The following SLC23A2 variants were observed in gnomAD, a reference collection of about 807,000 sequenced individuals.
The protein encoded by SLC23A2 is Na(+)/L-ascorbic acid transporter 2.
Under a neutral mutation model 73.3 loss-of-function variants are expected in SLC23A2, and 36 were observed. The ratio of observed to expected loss-of-function variants is 0.49; its 90% confidence interval spans 0.38 to 0.65. The LOEUF (loss-of-function observed/expected upper bound fraction) is 0.65, where lower values mean the gene tolerates loss of function less well. Ranked by LOEUF, SLC23A2 falls within the 30% of genes least tolerant of loss-of-function variation. The probability of loss-of-function intolerance (pLI) is 0.00; values close to 1 mark genes in which losing one functional copy is unlikely to be tolerated. For synonymous variants in SLC23A2, 343 were observed against 327.3 expected (o/e 1.05, Z -0.52); for missense variants, 507 against 841.6 (o/e 0.60, Z 4.92).
chr20:4,976,601 G>T (rs191675966), intron 1 of SLC23A2, among the ~76,000 whole-genome samples: 2 of 151,816 alleles, frequency 1.3e-5, no homozygotes, highest in Non-Finnish European at 2.9e-5. Flanking sequence ...GCTTGAACCC[G>T]GAGGCAGAGG....
chr20:4,866,876 G>A (rs903977949), intron 13 of SLC23A2, among the ~76,000 whole-genome samples: 1 of 152,046 alleles, frequency 6.6e-6, no homozygotes, highest in Non-Finnish European at 1.5e-5. Flanking sequence ...GGAGACCTGT[G>A]AGACGTAGGC....
At chr20:4,964,650 T>C (rs994575683) in intron 2 of SLC23A2, among the ~76,000 whole-genome samples, 2 of 151,894 alleles carry the variant, frequency 1.3e-5, no homozygotes, top group Admixed American at 1.3e-4. Flanking sequence ...CCCATTTCAG[T>C]GTGTGCACAC....
intron 15 of SLC23A2, among the ~76,000 whole-genome samples, chr20:4,860,406 G>A (rs141702661): frequency 9.1e-4 from 139 of 152,296 alleles, no homozygotes; most frequent in Middle Eastern, 6.8e-3. Context: ...GTCATACCGT[G>A]TGCTTTCCGT....
At chr20:4,891,856 T>G (rs905005987) in intron 6 of SLC23A2, among the ~76,000 whole-genome samples, 1 of 152,148 alleles carries the variant, frequency 6.6e-6, no homozygotes, top group Non-Finnish European at 1.5e-5. Flanking sequence ...GCTTAAGCAA[T>G]TCTCCCACCT....
intron 13 of SLC23A2, among the ~76,000 whole-genome samples, chr20:4,865,654 A>G (rs1930163893): frequency 6.6e-6 from 1 of 152,120 alleles, no homozygotes. Context: ...CCCTTCATCT[A>G]CAACAATTTT....
At chr20:5,004,306 C>A (rs2088166352), upstream of SLC23A2, among the ~76,000 whole-genome samples, 1 of 152,156 alleles carries the variant, frequency 6.6e-6, no homozygotes, top group African/African-American at 2.4e-5. Flanking sequence ...GTCCTTGCCC[C>A]ATAGCCTACA....
chr20:4,909,134 A>G lies in SLC23A2; in HGVS notation c.207+3746T>C, dbSNP rs553131056. 1.9e-4 allele frequency among the ~76,000 whole-genome samples: 29 copies of G among 152,302 alleles called. No homozygotes were observed. The South Asian group carries it at 5.8e-3, about 30-fold the overall frequency. ...CATCTGTTTGTGTGTACCTATGTGG[A>G]AAGTGGTATGGAATATACATACAGG... On this transcript the variant is annotated intron_variant, in intron 4 of 16. Transcript: ENST00000338244.
At chr20:4,911,451 A>G (rs960639014) in intron 4 of SLC23A2, among the ~76,000 whole-genome samples, 2 of 152,218 alleles carry the variant, frequency 1.3e-5, no homozygotes, top group Non-Finnish European at 2.9e-5. Context: ...ATTTGTTCTT[A>G]ATCACTTTAG....
intron 2 of SLC23A2, among the ~76,000 whole-genome samples, chr20:4,949,459 G>A (rs962003964): frequency 1.4e-4 from 21 of 152,130 alleles, no homozygotes; most frequent in African/African-American, 5.1e-4. Flanking sequence ...CGCTGCAGAT[G>A]AAGTTTTTAT....
chr20:4,962,159 C>G (rs1224079284), intron 2 of SLC23A2, among the ~76,000 whole-genome samples: 1 of 145,092 alleles, frequency 6.9e-6, no homozygotes, highest in Non-Finnish European at 1.5e-5. Context: ...AAAAAAAAAT[C>G]AAAGTCCAGC....
chr20:4,880,690 T>C (rs1955314004), intron 9 of SLC23A2, among the ~76,000 whole-genome samples: 1 of 140,924 alleles, frequency 7.1e-6, no homozygotes, highest in African/African-American at 2.7e-5. Flanking sequence ...AAGGGTGGAG[T>C]GGAGGAAGGC....
intron 2 of SLC23A2, among the ~76,000 whole-genome samples, chr20:4,946,627 T>C (rs547338501): frequency 6.6e-6 from 1 of 152,270 alleles, no homozygotes; most frequent in African/African-American, 2.4e-5. Flanking sequence ...GAAGCTCTGG[T>C]ACAGACAAGC....
At chr20:4,908,987 T>C (rs1932053068) in intron 4 of SLC23A2, among the ~76,000 whole-genome samples, 1 of 152,160 alleles carries the variant, frequency 6.6e-6, no homozygotes, top group South Asian at 2.1e-4. Flanking sequence ...TTTAAGGAAA[T>C]ACACATGCAG....
upstream of SLC23A2, among the ~76,000 whole-genome samples, chr20:5,005,993 A>T (rs1314001288): frequency 6.6e-6 from 1 of 152,218 alleles, no homozygotes; most frequent in Non-Finnish European, 1.5e-5. Flanking sequence ...TCTCAAAAAA[A>T]AAAGGTGACA....
At chr20:4,886,390 G>A (rs1373405418) in intron 6 of SLC23A2, among the ~76,000 whole-genome samples, 3 of 152,110 alleles carry the variant, frequency 2.0e-5, no homozygotes, top group East Asian at 1.9e-4. Context: ...CCTAATCACC[G>A]ATTACAGATA....
At chr20:4,912,010 CT>C (rs11353402) in intron 4 of SLC23A2, among the ~76,000 whole-genome samples, 58,746 of 136,310 alleles carry the variant, frequency 0.43, 11,902 homozygotes, top group East Asian at 0.63. Flanking sequence ...ATAATTATTT[CT>C]TTTTTTTTTT....
intron 2 of SLC23A2, among the ~76,000 whole-genome samples, chr20:4,946,949 A>G (rs773818631): frequency 6.6e-6 from 1 of 152,224 alleles, no homozygotes; most frequent in Non-Finnish European, 1.5e-5. Context: ...ATCTTTCAGC[A>G]GAAGTTTTCT....
upstream of SLC23A2, among the ~76,000 whole-genome samples, chr20:5,004,302 G>GC (rs1568665819): frequency 6.6e-6 from 1 of 152,088 alleles, no homozygotes; most frequent in Non-Finnish European, 1.5e-5. Flanking sequence ...TTGAGTCCTT[G>GC]CCCCATAGCC....
Position 4,853,245 on chromosome 20 carries a change from T to C in SLC23A2, c.*3727A>G, listed in dbSNP as rs1380109281. 1.3e-5 allele frequency: 2 copies of C among 152,440 alleles called. No homozygotes were observed. The highest frequency in any genetic ancestry group is 2.9e-5 in the Non-Finnish European group (2 of 68,132). 9.4% of individuals were successfully genotyped at this position (152,440 alleles called of 1,614,324 possible). ...GACAGCCATGCCGGGCCTATGCCTA[T>C]AGCGAGTGTACACCCCATGCACGGC... On this transcript the variant is annotated 3_prime_UTR_variant, in exon 17 of 17. Transcript: ENST00000338244.
Sources: allele counts gnomAD v4.1 joint callset (sites outside exome capture counted in the v4.1 genomes callset), GRCh38; gene constraint gnomAD v4.1.1; transcripts MANE v1.5; gene names NCBI Gene and HGNC (gene_info 2026-07-23, HGNC 2026-07-21).